The following ACOXL variants were observed in gnomAD, a reference collection of about 807,000 sequenced individuals.
The protein encoded by ACOXL is acyl-coenzyme A oxidase-like protein.
A neutral mutation model predicts 71.9 loss-of-function variants in ACOXL; 70 were observed. The observed-to-expected ratio is 0.97, with a 90% CI of 0.80 to 1.19. The LOEUF (loss-of-function observed/expected upper bound fraction) is 1.19, where lower values mean the gene tolerates loss of function less well. Ranked by LOEUF, ACOXL falls within the 50% of genes most tolerant of loss-of-function variation. The pLI, the probability that ACOXL is intolerant of heterozygous loss-of-function variation, is 0.00. For synonymous variants in ACOXL, 253 were observed against 281.6 expected (o/e 0.90, Z 1.02); for missense variants, 703 against 736.3 (o/e 0.95, Z 0.52).
intron 17 of ACOXL, among the ~76,000 whole-genome samples, chr2:111,115,284 A>G (rs1288464136): frequency 6.6e-6 from 1 of 152,216 alleles, no homozygotes; most frequent in African/African-American, 2.4e-5. Flanking sequence ...AACTTTAATA[A>G]TACACTGCTT....
intron 14 of ACOXL, among the ~76,000 whole-genome samples, chr2:111,001,513 AG>A (rs2063628766): frequency 6.6e-6 from 1 of 152,246 alleles, no homozygotes; most frequent in Non-Finnish European, 1.5e-5. Context: ...AGGGTCACAG[AG>A]AATCAAACCA....
chr2:111,005,670 G>A (rs1001595098), intron 14 of ACOXL, among the ~76,000 whole-genome samples: 3 of 152,158 alleles, frequency 2.0e-5, no homozygotes, highest in African/African-American at 7.2e-5. Flanking sequence ...CTTGGGGTTT[G>A]GAGTCTCACC....
chr2:111,045,054 C>T (rs543975761), intron 15 of ACOXL, among the ~76,000 whole-genome samples: 1 of 152,264 alleles, frequency 6.6e-6, no homozygotes, highest in African/African-American at 2.4e-5. Context: ...AAGCCTCAGC[C>T]TCCCACTACT....
intron 13 of ACOXL, 81 bp downstream of exon 13, chr2:110,987,298 A>C: frequency 1.3e-5 from 17 of 1,303,530 alleles, no homozygotes; most frequent in Non-Finnish European, 1.6e-5. Context: ...GGCATAACTC[A>C]CTCTTGCTTG....
intron 10 of ACOXL, among the ~76,000 whole-genome samples, chr2:110,852,600 C>T (rs147285525): frequency 6.6e-6 from 1 of 152,330 alleles, no homozygotes; most frequent in African/African-American, 2.4e-5. Context: ...GCTCAAACTA[C>T]TTACAAATCA....
At chr2:110,922,977 T>C (rs1030348227) in intron 11 of ACOXL, among the ~76,000 whole-genome samples, 1 of 152,178 alleles carries the variant, frequency 6.6e-6, no homozygotes, top group Non-Finnish European at 1.5e-5. Context: ...GCCCACCTCA[T>C]TGTCCCCATT....
chr2:110,733,272 G>A (rs963292687), intron 1 of ACOXL, among the ~76,000 whole-genome samples: 1 of 152,196 alleles, frequency 6.6e-6, no homozygotes, highest in South Asian at 2.1e-4. Flanking sequence ...CCCCCTCGGA[G>A]TGCAGGTGTG....
intron 10 of ACOXL, among the ~76,000 whole-genome samples, chr2:110,904,848 G>A (rs1350551975): frequency 6.6e-6 from 1 of 152,200 alleles, no homozygotes; most frequent in Non-Finnish European, 1.5e-5. Context: ...TCTGTCCTGA[G>A]TTGTCTGGTA....
chr2:110,987,172 TGCTCCAAAACTG>T lies in ACOXL; in HGVS notation c.1126_1137del (p.Leu376_Trp379del), dbSNP rs745385998. ...TATGAAGAAAAACCACTCTTTGGCC[TGCTCCAAAACTG>T]GGCTGAATCTGTGGGGGACAAGCTG... On this transcript the variant is annotated inframe_deletion, in exon 13 of 18. Transcript: ENST00000439055. 11 of 1,579,764 alleles carry T rather than the reference TGCTCCAAAACTG, an allele frequency of 7.0e-6. No individual in the cohort carries two copies. Among genetic ancestry groups the T allele is most frequent in the Non-Finnish European group, 9.5e-6 (11 of 1,159,802 alleles).
chr2:110,865,880 CT>C (rs1694528843), intron 10 of ACOXL, among the ~76,000 whole-genome samples: 1 of 151,710 alleles, frequency 6.6e-6, no homozygotes, highest in Non-Finnish European at 1.5e-5. Context: ...TTATTTTTAA[CT>C]GCTGACACCT....
intron 11 of ACOXL, among the ~76,000 whole-genome samples, chr2:110,918,710 AAAC>A (rs2059954512): frequency 6.6e-6 from 1 of 152,234 alleles, no homozygotes; most frequent in Admixed American, 6.5e-5. Flanking sequence ...TAGAAGAAAA[AAAC>A]AAACAGCCAT....
intron 14 of ACOXL, among the ~76,000 whole-genome samples, chr2:111,001,909 T>C (rs1471347569): frequency 6.6e-6 from 1 of 152,202 alleles, no homozygotes; most frequent in African/African-American, 2.4e-5. Flanking sequence ...TAGGATGGGC[T>C]ATGATGGCCA....
At chr2:111,077,143 AAC>A (rs1319012165) in intron 16 of ACOXL, among the ~76,000 whole-genome samples, 1 of 152,228 alleles carries the variant, frequency 6.6e-6, no homozygotes, top group African/African-American at 2.4e-5. Context: ...TTCAGCCTGC[AAC>A]ACTTACCTTC....
chr2:111,043,103 G>A (rs3789073), intron 15 of ACOXL, among the ~76,000 whole-genome samples: 18,915 of 152,144 alleles, frequency 0.12, 1,718 homozygotes, highest in African/African-American at 0.25. Flanking sequence ...TTTCAGTTGT[G>A]GGGCCAGAGA....
chr2:110,987,940 A>G (rs950398427), intron 13 of ACOXL, among the ~76,000 whole-genome samples: 2 of 152,152 alleles, frequency 1.3e-5, no homozygotes, highest in African/African-American at 4.8e-5. Flanking sequence ...AAGAGTTTTT[A>G]TAGGGCTTTC....
At chr2:111,047,204 A>G (rs1487535302) in intron 15 of ACOXL, among the ~76,000 whole-genome samples, 7 of 152,192 alleles carry the variant, frequency 4.6e-5, no homozygotes, top group Non-Finnish European at 7.3e-5. Context: ...GGATGTACAG[A>G]GTTCAAGGTA....
intron 10 of ACOXL, among the ~76,000 whole-genome samples, chr2:110,846,622 C>A (rs892790871): frequency 2.7e-5 from 4 of 147,594 alleles, no homozygotes; most frequent in Admixed American, 6.8e-5. Context: ...CGCATGTGAG[C>A]ATGCAAGTAT....
intron 17 of ACOXL, among the ~76,000 whole-genome samples, chr2:111,110,233 T>A (rs1034314301): frequency 8.5e-5 from 13 of 152,192 alleles, no homozygotes; most frequent in Non-Finnish European, 1.8e-4. Context: ...TCATTAAGAT[T>A]CCTCCTAGAG....
At chr2:111,105,413 T>C (rs892019903) in intron 17 of ACOXL, among the ~76,000 whole-genome samples, 11 of 152,084 alleles carry the variant, frequency 7.2e-5, no homozygotes, top group Admixed American at 5.2e-4. Flanking sequence ...TGTAAGTTAA[T>C]TTGAGGAGAA....
Sources: allele counts gnomAD v4.1 joint callset (sites outside exome capture counted in the v4.1 genomes callset), GRCh38; gene constraint gnomAD v4.1.1; transcripts MANE v1.5; gene names NCBI Gene and HGNC (gene_info 2026-07-23, HGNC 2026-07-21).